Variants in RHBDL2 observed in about 807,000 individuals in gnomAD.
RHBDL2 encodes the protein rhomboid-related protein 2.
RHBDL2 carries 26 observed loss-of-function variants against 31.7 expected under a neutral mutation model. The observed-to-expected ratio is 0.82, with a 90% confidence interval of 0.60 to 1.14. RHBDL2 has a LOEUF of 1.14. Ranked by LOEUF, RHBDL2 falls within the 50% of genes most tolerant of loss-of-function variation. RHBDL2 has a pLI of 0.00. For synonymous variants in RHBDL2, 123 were observed against 127.2 expected, an observed-to-expected ratio of 0.97 and a Z score of 0.22; for missense variants, 336 against 364.4, an observed-to-expected ratio of 0.92 and a Z score of 0.63.
chr1:38,929,326 G>T, intron 1 of RHBDL2: 1 of 1,126,096 alleles, frequency 8.9e-7, no homozygotes, highest in Non-Finnish European at 1.2e-6. Flanking sequence ...GACTCTAGGT[G>T]GACACAAGCG....
chr1:38,901,420 C>T (rs1642986783), intron 4 of RHBDL2, among the ~76,000 whole-genome samples: 1 of 144,328 alleles, frequency 6.9e-6, no homozygotes, highest in Non-Finnish European at 1.5e-5. Flanking sequence ...CAAGATCGCA[C>T]CATTGCACTC....
intron 5 of RHBDL2, among the ~76,000 whole-genome samples, chr1:38,894,707 C>CTTTTTTTTTTTTTTTTTTTT (rs71057159): frequency 1.0e-3 from 118 of 114,144 alleles, no homozygotes; most frequent in East Asian, 1.6e-3. Context: ...CTTTTTTTTT[C>CTTTTTTTTTTTTTTTTTTTT]TTTTTTTTTT....
In RHBDL2 at chr1:38,915,730, T is replaced by TAC. The variant is rs753368621; in HGVS notation, c.247-21_247-20insGT. ...TGCCAGCTGATGGAGGGAGCAGACA[T>TAC]GAGTATTAACCACACCTTCTCCAGA... On this transcript the variant is annotated intron_variant, in intron 2 of 7. Transcript: ENST00000372990. 1 of 1,613,766 alleles carries TAC rather than the reference T, an allele frequency of 6.2e-7. No individual in the cohort carries two copies. The highest frequency in any genetic ancestry group is 8.5e-7 in the Non-Finnish European group (1 of 1,179,906).
rs1570913272 is a variant in RHBDL2, at chr1:38,893,926, G to A, written c.610-702C>T. ...GGCTCATTGTTGGATTTTAGCTTTG[G>A]GTCCCTTATGCGTCAGTGGCGAACT... On this transcript the variant is annotated intron_variant, in intron 5 of 7. Transcript: ENST00000372990. Among the ~76,000 whole-genome samples the A allele has an allele frequency of 2.0e-5, 3 of 151,970 alleles. 1 individual carries two copies.
chr1:38,887,438 T>G (rs1642797774), intron 7 of RHBDL2, among the ~76,000 whole-genome samples: 1 of 151,858 alleles, frequency 6.6e-6, no homozygotes, highest in Non-Finnish European at 1.5e-5. Context: ...CTGTTTTTTG[T>G]TTTTTTGAGA....
intron 1 of RHBDL2, among the ~76,000 whole-genome samples, chr1:38,930,832 T>C (rs557627071): frequency 1.6e-4 from 25 of 152,308 alleles, no homozygotes; most frequent in African/African-American, 5.1e-4. Context: ...TTTCACTGCT[T>C]CGTGTAGAAT....
chr1:38,917,830 C>A (rs1008726242), intron 2 of RHBDL2, among the ~76,000 whole-genome samples: 1 of 152,196 alleles, frequency 6.6e-6, no homozygotes, highest in African/African-American at 2.4e-5. Context: ...CTTAGCTAGG[C>A]TATGCTACCC....
At chr1:38,911,708 C>T (rs1027890592) in intron 3 of RHBDL2, among the ~76,000 whole-genome samples, 1 of 151,946 alleles carries the variant, frequency 6.6e-6, no homozygotes, top group African/African-American at 2.4e-5. Flanking sequence ...GGTGCAATCT[C>T]TGCTCACCAG....
chr1:38,888,347 G>A lies in RHBDL2; in HGVS notation c.671-323C>T, dbSNP rs550976777. Among the ~76,000 whole-genome samples, 3 of 152,032 alleles carry A rather than the reference G, an allele frequency of 2.0e-5. No homozygotes were observed. The South Asian group carries it at 6.2e-4, about 32-fold the overall frequency. The stretch of plus-strand genomic sequence containing the variant: ...ACTCATGGAGCTGACAAACTGTTGG[G>A]GGGTATGTGGGGGGGTGATTGGTAG... On this transcript the variant is annotated intron_variant, in intron 6 of 7. Coordinates refer to ENST00000372990, the MANE Select transcript of RHBDL2 (RefSeq NM_017821.5).
Position 38,919,267 on chromosome 1 carries a change from TG to T in RHBDL2, c.-56del, listed in dbSNP as rs1557619379. The T allele has an allele frequency of 1.2e-6, 2 of 1,613,168 alleles. No homozygotes were observed. ...GACATGAATCCCAGGGAACAGCAGG[TG>T]GCCCTAGGTCCTCAGGCTGCCGCTC... On this transcript the variant is annotated 5_prime_UTR_variant, in exon 2 of 8. Transcript: ENST00000372990.
Position 38,919,286 on chromosome 1 carries a change from T to C in RHBDL2, c.-74A>G. ...AGCAGGTGGCCCTAGGTCCTCAGGC[T>C]GCCGCTCTTCCCTGGGCTGTCTGGC... On this transcript the variant is annotated 5_prime_UTR_variant, in exon 2 of 8. Transcript: ENST00000372990. 2 of 1,611,438 alleles carry C rather than the reference T, an allele frequency of 1.2e-6. No individual in the cohort carries two copies. Among genetic ancestry groups the C allele is most frequent in the South Asian group, 2.2e-5 (2 of 90,750 alleles).
At chr1:38,900,657 C>T (rs547268002) in intron 4 of RHBDL2, among the ~76,000 whole-genome samples, 57 of 151,978 alleles carry the variant, frequency 3.8e-4, no homozygotes, top group African/African-American at 1.3e-3. Context: ...ACCTGGGAGA[C>T]GGAGGTTGCA....
At chr1:38,925,303 GC>G (rs534842902) in intron 1 of RHBDL2, among the ~76,000 whole-genome samples, 50 of 150,798 alleles carry the variant, frequency 3.3e-4, no homozygotes, top group African/African-American at 1.2e-3. Flanking sequence ...TTCGAGACCA[GC>G]CTGACCAACA....
chr1:38,893,249 A>G (rs758548228), intron 5 of RHBDL2, 25 bp from the exon 6 acceptor site: 1 of 1,158,652 alleles, frequency 8.6e-7, no homozygotes, highest in East Asian at 2.5e-5. Flanking sequence ...AATAATAATT[A>G]TATAAGCTAT....
At chr1:38,894,707 C>CTTTTTTTTTTTTTTTTTTT (rs71057159) in intron 5 of RHBDL2, among the ~76,000 whole-genome samples, 32 of 114,188 alleles carry the variant, frequency 2.8e-4, no homozygotes, top group East Asian at 7.7e-4. Context: ...CTTTTTTTTT[C>CTTTTTTTTTTTTTTTTTTT]TTTTTTTTTT....
intron 3 of RHBDL2, among the ~76,000 whole-genome samples, chr1:38,915,037 A>G (rs958605917): frequency 2.0e-5 from 3 of 151,942 alleles, no homozygotes; most frequent in Non-Finnish European, 2.9e-5. Context: ...TCAAAAAAAA[A>G]AAAAAGTAAG....
rs1187160167 is a variant in RHBDL2 at position 38,924,593 on chromosome 1, C to CA, written c.-125-5257dup. Among the ~76,000 whole-genome samples the CA allele has an allele frequency of 6.1e-3, 880 of 145,172 alleles. 10 individuals carry two copies. The highest frequency in any genetic ancestry group is 0.018 in the African/African-American group (713 of 39,582). ...TGGGCGACAGAGCAAGACTCCGTCT[C>CA]AAAAAAAAAACAAGGAAACACGGAA... is the stretch of plus-strand genomic sequence containing the variant. On this transcript the variant is annotated intron_variant, in intron 1 of 7. Coordinates refer to ENST00000372990, the MANE Select transcript of RHBDL2 (RefSeq NM_017821.5).
In RHBDL2 at chr1:38,920,590, C is replaced by A. The variant is rs545809380; in HGVS notation, c.-125-1253G>T. ...TCCACCTTTTCGCTATTGTGAACAT[C>A]CCTGTACAAGTTTTCTCTTTTTTTT... On this transcript the variant is annotated intron_variant, in intron 1 of 7. Transcript: ENST00000372990. Among the ~76,000 whole-genome samples, 9 of 150,502 alleles carry A rather than the reference C, an allele frequency of 6.0e-5. No individual in the cohort carries two copies. The South Asian group carries it at 1.9e-3, about 32-fold the overall frequency.
chr1:38,927,754 T>A (rs950854869), intron 1 of RHBDL2, among the ~76,000 whole-genome samples: 1 of 152,222 alleles, frequency 6.6e-6, no homozygotes, highest in Non-Finnish European at 1.5e-5. Flanking sequence ...GGTACTAGAA[T>A]AATAAACACT....
Sources: allele counts gnomAD v4.1 joint callset (sites outside exome capture counted in the v4.1 genomes callset), GRCh38; gene constraint gnomAD v4.1.1; transcripts MANE v1.5; gene names NCBI Gene and HGNC (gene_info 2026-07-23, HGNC 2026-07-21).